The following EPHX1 variants were observed in gnomAD, a reference collection of about 807,000 sequenced individuals.
The protein encoded by EPHX1 is epoxide hydratase.
Under a neutral mutation model 43.2 loss-of-function variants are expected in EPHX1, and 40 were observed. That is an observed-to-expected ratio of 0.93 (90% CI 0.72 to 1.21). EPHX1 has a LOEUF of 1.21. Ranked by LOEUF, EPHX1 falls within the 50% of genes most tolerant of loss-of-function variation. The pLI, the probability that EPHX1 is intolerant of heterozygous loss-of-function variation, is 0.00. For missense variants in EPHX1, 550 were observed against 570.4 expected (o/e 0.96, Z 0.36); for synonymous variants, 221 against 226.7 (o/e 0.98, Z 0.22).
At chr1:225,826,884 T>C (rs914654859) in intron 1 of EPHX1, among the ~76,000 whole-genome samples, 6 of 151,860 alleles carry the variant, frequency 4.0e-5, no homozygotes, top group African/African-American at 1.2e-4. Context: ...TGGAGATGAC[T>C]CTAGGGCCTG....
At chr1:225,826,301 T>C (rs1301650108) in intron 1 of EPHX1, among the ~76,000 whole-genome samples, 1 of 151,892 alleles carries the variant, frequency 6.6e-6, no homozygotes, top group Admixed American at 6.6e-5. Flanking sequence ...CTGTCTTTAC[T>C]AAAAATACAA....
chr1:225,823,277 C>T (rs1667065303), intron 1 of EPHX1, among the ~76,000 whole-genome samples: 1 of 151,944 alleles, frequency 6.6e-6, no homozygotes, highest in South Asian at 2.1e-4. Context: ...AGTGATTCAC[C>T]ACCTTGGCCC....
intron 1 of EPHX1, among the ~76,000 whole-genome samples, chr1:225,823,513 C>T (rs1170150860): frequency 2.0e-5 from 3 of 152,352 alleles, no homozygotes; most frequent in Non-Finnish European, 2.9e-5. Context: ...CCCCCTCTTT[C>T]CCTGGCTGTA....
intron 3 of EPHX1, among the ~76,000 whole-genome samples, chr1:225,835,677 C>T (rs1667920540): frequency 1.3e-5 from 2 of 151,196 alleles, no homozygotes; most frequent in East Asian, 1.9e-4. Context: ...GTATGAGCCA[C>T]GGCACCCGGC....
chr1:225,824,418 A>G (rs1667129967), intron 1 of EPHX1, among the ~76,000 whole-genome samples: 2 of 152,206 alleles, frequency 1.3e-5, no homozygotes, highest in South Asian at 4.1e-4. Context: ...ATTTAGGCTA[A>G]GCCCCTTGCC....
intron 8 of EPHX1, 32 bp downstream of exon 8, chr1:225,844,655 C>T (rs1053267316): frequency 1.9e-6 from 3 of 1,612,842 alleles, no homozygotes; most frequent in Non-Finnish European, 2.5e-6. Flanking sequence ...ACAGGGGCCT[C>T]TGAGGCTGGA....
chr1:225,838,991 A>G (rs1004492449), intron 4 of EPHX1, 110 bp downstream of exon 4: 5 of 1,411,976 alleles, frequency 3.5e-6, no homozygotes, highest in Non-Finnish European at 4.9e-6. Context: ...GGCCCGAGGA[A>G]GCTGGGAAAG....
At chr1:225,842,319 C>T (rs1247370200) in intron 6 of EPHX1, 47 bp from the exon 7 acceptor site, 1 of 1,397,872 alleles carries the variant, frequency 7.2e-7, no homozygotes, top group Non-Finnish European at 1.0e-6. Flanking sequence ...CTCCAGCTCT[C>T]TGGTCCCCAG....
intron 7 of EPHX1, 139 bp downstream of exon 7, chr1:225,842,613 C>A: frequency 1.3e-6 from 1 of 748,944 alleles, no homozygotes; most frequent in African/African-American, 1.7e-5. Context: ...AATCCTCACC[C>A]TGTGACCAAC....
At chr1:225,819,778 G>C (rs1445287441) in intron 1 of EPHX1, among the ~76,000 whole-genome samples, 2 of 152,114 alleles carry the variant, frequency 1.3e-5, no homozygotes, top group Non-Finnish European at 2.9e-5. Flanking sequence ...CTGGGCCCCA[G>C]GTGGCTCTGC....
intron 1 of EPHX1, among the ~76,000 whole-genome samples, chr1:225,827,193 A>G (rs1667289829): frequency 6.6e-6 from 1 of 152,154 alleles, no homozygotes; most frequent in Admixed American, 6.5e-5. Context: ...CCAATGGAGG[A>G]CATGCAAGTG....
At chr1:225,810,222 G>C (rs1360475775) in intron 1 of EPHX1, 53 bp downstream of exon 1, 1 of 151,294 alleles carries the variant, frequency 6.6e-6, no homozygotes, top group Non-Finnish European at 1.5e-5. Flanking sequence ...GACGCGGTTC[G>C]GGCTCCGCGC....
intron 2 of EPHX1, among the ~76,000 whole-genome samples, chr1:225,830,342 G>C (rs1667510764): frequency 6.6e-6 from 1 of 152,176 alleles, no homozygotes; most frequent in Non-Finnish European, 1.5e-5. Context: ...TGAAACACTT[G>C]GGAAGAAGCC....
intron 3 of EPHX1, chr1:225,832,165 C>A: frequency 1.6e-6 from 1 of 611,122 alleles, no homozygotes; most frequent in Non-Finnish European, 2.9e-6. Context: ...GGCAGGAACA[C>A]ATACATGCAA....
rs1220432260 is a variant in EPHX1 at position 225,815,406 on chromosome 1, ATTTTC to A, written c.-6+5242_-6+5246del. 6.8e-5 allele frequency among the ~76,000 whole-genome samples: 5 copies of A among 74,074 alleles called. 1 individual carries two copies. In the East Asian group the frequency reaches 1.5e-3, roughly 22 times the overall value. The allele number at this position is 74,074 out of a possible 152,430, so 48.6% of individuals were successfully genotyped here. On this transcript the variant is annotated intron_variant, in intron 1 of 8. Coordinates refer to ENST00000272167, the MANE Select transcript of EPHX1 (RefSeq NM_001136018.4). ...AGGCGTGCACCACCATGCCCAGCTA[ATTTTC>A]TTTTTTTTTTTTTTTTTTTTTTGTA...
intron 1 of EPHX1, among the ~76,000 whole-genome samples, chr1:225,811,410 T>C (rs1666477501): frequency 6.6e-6 from 1 of 152,222 alleles, no homozygotes; most frequent in Non-Finnish European, 1.5e-5. Flanking sequence ...CTCGTTGTCC[T>C]GGAAGTTCTG....
At chr1:225,824,685 G>T (rs567638628) in intron 1 of EPHX1, among the ~76,000 whole-genome samples, 11 of 152,364 alleles carry the variant, frequency 7.2e-5, no homozygotes, top group East Asian at 3.9e-4. Flanking sequence ...AAGCAGACGG[G>T]GGGGTGTGGA....
rs1255752552 is a variant in EPHX1, at chr1:225,839,345, A to C, written c.721A>C (p.Ser241Arg). The C allele has an allele frequency of 6.2e-7, 1 of 1,611,346 alleles. No homozygotes were observed. The highest frequency in any genetic ancestry group is 8.5e-7 in the Non-Finnish European group (1 of 1,179,600). The change falls in exon 5 of 9, where the codon AGC (serine) becomes CGC (arginine). Residue 241 changes from serine (S) to arginine (R), a missense_variant and splice_region_variant. Physicochemically the swap from Ser to Arg is moderately radical, Grantham distance 110. Coordinates refer to ENST00000272167, the MANE Select transcript of EPHX1 (RefSeq NM_001136018.4). ...ICTNMAQLVPSHVKGLHLNMA... is the reference protein window; with the variant it reads ...ICTNMAQLVPRHVKGLHLNMA... ...CACTAATATGGCCCAGCTGGTGCCC[A>C]GGTGAGGTCACTGTTGGGGTGGTGT...
intron 1 of EPHX1, among the ~76,000 whole-genome samples, chr1:225,818,689 T>TA (rs1444520781): frequency 1.3e-5 from 2 of 152,044 alleles, no homozygotes; most frequent in Non-Finnish European, 2.9e-5. Flanking sequence ...TCTGAGGGGC[T>TA]AGGGGAGTGG....
Sources: gnomAD v4.1 joint callset for allele counts (sites outside exome capture counted in the v4.1 genomes callset) on GRCh38, gnomAD v4.1.1 for gene constraint, MANE v1.5 for transcripts, NCBI Gene and HGNC (gene_info 2026-07-23, HGNC 2026-07-21) for gene names.